Variants in ADCY2 observed in about 807,000 individuals in gnomAD.
ADCY2 encodes adenylate cyclase type 2.
In ADCY2, 31 loss-of-function variants were observed where a neutral mutation model predicts 125.2. The ratio of observed to expected loss-of-function variants is 0.25; its 90% CI spans 0.19 to 0.33. ADCY2 has a LOEUF of 0.33. ADCY2 is among the 10% of genes least tolerant of loss of function. The probability of loss-of-function intolerance (pLI) is 1.00; values close to 1 mark genes in which losing one functional copy is unlikely to be tolerated. For missense variants in ADCY2, 904 were observed against 1,418.2 expected, an observed-to-expected ratio of 0.64 and a Z score of 5.82; for synonymous variants, 512 against 548.4, an observed-to-expected ratio of 0.93 and a Z score of 0.93.
At position 7,698,550 on chromosome 5, in the gene ADCY2, C is replaced by G. The variant is rs1740968231; in HGVS notation, c.1109+176C>G. Among the ~76,000 whole-genome samples the G allele has an allele frequency of 2.6e-5, 4 of 152,156 alleles. 1 individual carries two copies. In the South Asian group the frequency reaches 8.3e-4, roughly 32 times the overall value. ...TGCTATCCCTCCCCTCACCCCCTCCCCAACAGGCCCTGGTATGTGATGTTC... is the reference window on the plus strand; with the variant it reads ...TGCTATCCCTCCCCTCACCCCCTCCGCAACAGGCCCTGGTATGTGATGTTC... On this transcript the variant is annotated intron_variant, in intron 7 of 24. Transcript: ENST00000338316.
At chr5:7,441,845 T>C (rs879808010) in intron 2 of ADCY2, among the ~76,000 whole-genome samples, 3 of 152,174 alleles carry the variant, frequency 2.0e-5, no homozygotes, top group East Asian at 3.9e-4. Flanking sequence ...AAGAGCAAAA[T>C]TGGAGGCTTC....
At chr5:7,750,692 G>T (rs755179775) in intron 15 of ADCY2, among the ~76,000 whole-genome samples, 4 of 150,384 alleles carry the variant, frequency 2.7e-5, no homozygotes, top group Non-Finnish European at 5.9e-5. Context: ...TAATTTCCTG[G>T]CCTCTGTGGG....
chr5:7,715,987 C>A (rs141483058), intron 11 of ADCY2, among the ~76,000 whole-genome samples: 93 of 152,308 alleles, frequency 6.1e-4, no homozygotes, highest in African/African-American at 2.2e-3. Context: ...TAGCCTTGTT[C>A]AGGCTAGCAG....
intron 4 of ADCY2, among the ~76,000 whole-genome samples, chr5:7,643,035 AT>A (rs1410344893): frequency 5.3e-5 from 8 of 151,808 alleles, no homozygotes; most frequent in Non-Finnish European, 7.4e-5. Context: ...AATTTTTTTT[AT>A]TTTTTTAAAT....
chr5:7,647,815 A>G (rs769354604), intron 4 of ADCY2, among the ~76,000 whole-genome samples: 40 of 152,216 alleles, frequency 2.6e-4, no homozygotes, highest in Non-Finnish European at 5.6e-4. Context: ...TATCTGCTGT[A>G]GGTACAACTG....
chr5:7,627,014 A>G (rs1476766792), intron 4 of ADCY2, among the ~76,000 whole-genome samples: 1 of 152,300 alleles, frequency 6.6e-6, no homozygotes, highest in Non-Finnish European at 1.5e-5. Context: ...AAATAAGAAC[A>G]GTTCGTGAAA....
At chr5:7,425,750 G>C (rs1318064672) in intron 2 of ADCY2, among the ~76,000 whole-genome samples, 1 of 152,336 alleles carries the variant, frequency 6.6e-6, no homozygotes, top group Admixed American at 6.5e-5. Flanking sequence ...AGGCTTCACA[G>C]TAAACTTTTA....
chr5:7,716,954 T>C lies in ADCY2; in HGVS notation c.1623-203T>C, dbSNP rs576916261. On this transcript the variant is annotated intron_variant, in intron 11 of 24. Transcript: ENST00000338316. ...ATTCAAAGTAGTCAGAAGAGAGAATTTGAAATGTTTCCAACACATAGAAAT... is the reference window on the plus strand; with the variant it reads ...ATTCAAAGTAGTCAGAAGAGAGAATCTGAAATGTTTCCAACACATAGAAAT... Among the ~76,000 whole-genome samples, 4 of 152,234 alleles carry C rather than the reference T, an allele frequency of 2.6e-5. No homozygotes were observed. The South Asian group carries it at 6.2e-4, about 24-fold the overall frequency.
intron 13 of ADCY2, among the ~76,000 whole-genome samples, chr5:7,724,966 C>T (rs1741890531): frequency 6.6e-6 from 1 of 152,172 alleles, no homozygotes; most frequent in African/African-American, 2.4e-5. Context: ...CTTGATAAAT[C>T]TGCAATGTCT....
At chr5:7,663,774 G>T (rs1286634013) in intron 4 of ADCY2, among the ~76,000 whole-genome samples, 1 of 152,152 alleles carries the variant, frequency 6.6e-6, no homozygotes, top group Non-Finnish European at 1.5e-5. Context: ...AGCAAGTGGG[G>T]CCCTGAGATT....
intron 3 of ADCY2, among the ~76,000 whole-genome samples, chr5:7,589,516 A>AAAGAAAAGAAAAGG (rs1313792543): frequency 9.7e-6 from 1 of 103,244 alleles, no homozygotes; most frequent in Admixed American, 9.1e-5. Context: ...GAAAGAAAAG[A>AAAGAAAAGAAAAGG]AAAGAAAGAG....
At chr5:7,462,057 G>A (rs770535365) in intron 2 of ADCY2, among the ~76,000 whole-genome samples, 70 of 152,076 alleles carry the variant, frequency 4.6e-4, no homozygotes, top group Non-Finnish European at 8.8e-4. Flanking sequence ...CCTGTCTGTC[G>A]GTTTATGGTG....
intron 24 of ADCY2, 194 bp from the exon 25 acceptor site, chr5:7,826,525 G>A (rs1209068800): frequency 2.7e-5 from 19 of 703,394 alleles, no homozygotes; most frequent in Non-Finnish European, 4.7e-5. Flanking sequence ...CACTATCCCA[G>A]CGCTGAATTA....
chr5:7,397,902 A>G (rs1739122356), intron 1 of ADCY2, among the ~76,000 whole-genome samples: 1 of 152,090 alleles, frequency 6.6e-6, no homozygotes, highest in Middle Eastern at 3.2e-3. Flanking sequence ...CACTCTCTCC[A>G]CATGTAACCA....
intron 2 of ADCY2, among the ~76,000 whole-genome samples, chr5:7,486,533 T>C (rs1392385857): frequency 2.6e-5 from 4 of 152,176 alleles, no homozygotes; most frequent in Non-Finnish European, 4.4e-5. Flanking sequence ...CAGTAGCTGA[T>C]AGCTGCATGA....
chr5:7,464,358 A>G (rs1024897864), intron 2 of ADCY2, among the ~76,000 whole-genome samples: 1 of 152,094 alleles, frequency 6.6e-6, no homozygotes, highest in Non-Finnish European at 1.5e-5. Flanking sequence ...CACCCATTCT[A>G]TAAGGTGCCA....
chr5:7,820,929 G>A (rs326165), intron 24 of ADCY2, among the ~76,000 whole-genome samples: 2,550 of 152,308 alleles, frequency 0.017, 92 homozygotes, highest in African/African-American at 0.058. Flanking sequence ...AAATGATCCA[G>A]CAGCAACCAG....
At chr5:7,566,980 T>A (rs1735913293) in intron 3 of ADCY2, among the ~76,000 whole-genome samples, 1 of 152,198 alleles carries the variant, frequency 6.6e-6, no homozygotes, top group African/African-American at 2.4e-5. Context: ...TTAAAATAAT[T>A]CTAAGTAGAT....
At chr5:7,823,477 G>A (rs957566873) in intron 24 of ADCY2, among the ~76,000 whole-genome samples, 2 of 150,460 alleles carry the variant, frequency 1.3e-5, no homozygotes, top group African/African-American at 5.0e-5. Context: ...TGGCAGCCTA[G>A]TCTAATCATT....
Sources: gnomAD v4.1 joint callset for allele counts (sites outside exome capture counted in the v4.1 genomes callset) on GRCh38, gnomAD v4.1.1 for gene constraint, MANE v1.5 for transcripts, NCBI Gene and HGNC (gene_info 2026-07-23, HGNC 2026-07-21) for gene names.